Variants in SUCLG2 observed in about 807,000 individuals in gnomAD.
SUCLG2 encodes succinate-CoA ligase GDP-forming subunit beta.
A neutral mutation model predicts 47.9 loss-of-function variants in SUCLG2; 42 were observed. The observed-to-expected ratio is 0.88, with a 90% confidence interval of 0.69 to 1.14. The LOEUF (loss-of-function observed/expected upper bound fraction) is 1.14, where lower values mean the gene tolerates loss of function less well. Ranked by LOEUF, SUCLG2 falls within the 50% of genes most tolerant of loss-of-function variation. SUCLG2 has a pLI of 0.00. For missense variants in SUCLG2, 571 were observed against 525.9 expected, an observed-to-expected ratio of 1.09 and a Z score of -0.84; for synonymous variants, 195 against 197.3, an observed-to-expected ratio of 0.99 and a Z score of 0.10.
At chr3:67,517,197 T>C (rs1705966886) in intron 6 of SUCLG2, among the ~76,000 whole-genome samples, 1 of 152,132 alleles carries the variant, frequency 6.6e-6, no homozygotes, top group Non-Finnish European at 1.5e-5. Context: ...AAGTAAGTGG[T>C]TTCCCTTCAT....
chr3:67,401,218 C>A (rs532277300), intron 9 of SUCLG2, among the ~76,000 whole-genome samples: 8 of 151,916 alleles, frequency 5.3e-5, no homozygotes, highest in African/African-American at 1.9e-4. Flanking sequence ...TTTTCCTCCA[C>A]GATTTACAAT....
intron 10 of SUCLG2, among the ~76,000 whole-genome samples, chr3:67,386,446 T>A (rs1702262002): frequency 6.6e-6 from 1 of 152,010 alleles, no homozygotes; most frequent in African/African-American, 2.4e-5. Context: ...CAACATCTAC[T>A]GTATTAGTCT....
chr3:67,648,065 G>C (rs1233136008), intron 1 of SUCLG2, among the ~76,000 whole-genome samples: 1 of 152,090 alleles, frequency 6.6e-6, no homozygotes, highest in Non-Finnish European at 1.5e-5. Context: ...CCCACCATCG[G>C]GTCATATGCC....
intron 10 of SUCLG2, among the ~76,000 whole-genome samples, chr3:67,396,340 A>G (rs1234248706): frequency 1.3e-5 from 2 of 152,144 alleles, no homozygotes; most frequent in Non-Finnish European, 2.9e-5. Flanking sequence ...TAAGGGGGAT[A>G]TCACCACCGA....
chr3:67,460,275 T>C (rs1423046740), intron 9 of SUCLG2, among the ~76,000 whole-genome samples: 1 of 152,176 alleles, frequency 6.6e-6, no homozygotes, highest in Non-Finnish European at 1.5e-5. Flanking sequence ...AACTTCTATG[T>C]AAAAGTTACA....
intron 1 of SUCLG2, among the ~76,000 whole-genome samples, chr3:67,645,917 A>G (rs1701182238): frequency 6.6e-6 from 1 of 151,460 alleles, no homozygotes; most frequent in African/African-American, 2.4e-5. Flanking sequence ...GGGGACAAAA[A>G]GCAAAGGATA....
intron 2 of SUCLG2, among the ~76,000 whole-genome samples, chr3:67,543,523 C>T (rs904427567): frequency 6.6e-6 from 1 of 152,022 alleles, no homozygotes; most frequent in African/African-American, 2.4e-5. Context: ...AAAAATTAGC[C>T]TGGCATAGTG....
chr3:67,580,286 G>C (rs1707848994), intron 2 of SUCLG2, among the ~76,000 whole-genome samples: 1 of 152,060 alleles, frequency 6.6e-6, no homozygotes, highest in Non-Finnish European at 1.5e-5. Flanking sequence ...GACAGATACA[G>C]CCATGTTTCG....
chr3:67,521,194 T>C (rs1412753155), intron 4 of SUCLG2, among the ~76,000 whole-genome samples: 2 of 152,162 alleles, frequency 1.3e-5, no homozygotes, highest in African/African-American at 4.8e-5. Flanking sequence ...ATACCAAAAA[T>C]ATATAAATGA....
At chr3:67,396,604 C>T (rs932644544) in intron 10 of SUCLG2, among the ~76,000 whole-genome samples, 9 of 152,120 alleles carry the variant, frequency 5.9e-5, no homozygotes, top group Admixed American at 1.3e-4. Flanking sequence ...CAAGGAGGAA[C>T]TGGTACCATT....
At chr3:67,529,538 G>A (rs759021913) in intron 2 of SUCLG2, among the ~76,000 whole-genome samples, 1 of 152,162 alleles carries the variant, frequency 6.6e-6, no homozygotes, top group Admixed American at 6.5e-5. Flanking sequence ...ACTCCCATGT[G>A]GCAGAGGCAC....
intron 9 of SUCLG2, among the ~76,000 whole-genome samples, chr3:67,427,984 G>A (rs762078030): frequency 6.6e-6 from 1 of 152,174 alleles, no homozygotes; most frequent in Non-Finnish European, 1.5e-5. Context: ...ACTGGGTGGA[G>A]CCCACTGCAG....
intron 9 of SUCLG2, among the ~76,000 whole-genome samples, chr3:67,446,417 A>AT (rs750956324): frequency 0.023 from 728 of 32,268 alleles, 113 homozygotes; most frequent in Middle Eastern, 0.071. Flanking sequence ...ACATATGTAC[A>AT]TTTTTTTTTT....
chr3:67,457,500 T>C lies in SUCLG2; in HGVS notation c.1062+38298A>G, dbSNP rs569744567. 1.4e-4 allele frequency among the ~76,000 whole-genome samples: 21 copies of C among 152,242 alleles called. No individual in the cohort carries two copies. In the South Asian group the frequency reaches 2.7e-3, roughly 20 times the overall value. On this transcript the variant is annotated intron_variant, in intron 9 of 10. Coordinates refer to ENST00000307227, the MANE Select transcript of SUCLG2 (RefSeq NM_003848.4). ...TTGAATTGGGGAATTGGGGAACTTA[T>C]TGGGGAATTACTGATTAAAGGAATT...
downstream of SUCLG2, among the ~76,000 whole-genome samples, chr3:67,371,745 G>C (rs1260709073): frequency 1.3e-5 from 2 of 152,078 alleles, no homozygotes; most frequent in African/African-American, 2.4e-5. Context: ...ATCATAAGTG[G>C]CATAACCTTA....
intron 2 of SUCLG2, among the ~76,000 whole-genome samples, chr3:67,584,593 G>C (rs1236137312): frequency 6.6e-6 from 1 of 152,150 alleles, no homozygotes; most frequent in Non-Finnish European, 1.5e-5. Flanking sequence ...TTGCCAAAGA[G>C]TATTCCATTG....
intron 9 of SUCLG2, among the ~76,000 whole-genome samples, chr3:67,461,827 C>G (rs1001100779): frequency 7.9e-5 from 12 of 151,880 alleles, no homozygotes; most frequent in African/African-American, 2.9e-4. Context: ...GTTCACAGAA[C>G]CTGGGAAGAT....
At chr3:67,394,873 T>C (rs1462200017) in intron 10 of SUCLG2, among the ~76,000 whole-genome samples, 1 of 152,054 alleles carries the variant, frequency 6.6e-6, no homozygotes, top group African/African-American at 2.4e-5. Flanking sequence ...ATATTCAACA[T>C]TCTTAAAGAA....
chr3:67,556,086 A>AC, intron 2 of SUCLG2, among the ~76,000 whole-genome samples: 1 of 152,312 alleles, frequency 6.6e-6, no homozygotes, highest in African/African-American at 2.4e-5. Flanking sequence ...AAAAGACCTG[A>AC]CTTTTTTTTA....
Sources: allele counts gnomAD v4.1 joint callset (sites outside exome capture counted in the v4.1 genomes callset), GRCh38; gene constraint gnomAD v4.1.1; transcripts MANE v1.5; gene names NCBI Gene and HGNC (gene_info 2026-07-23, HGNC 2026-07-21).